The following TJP1 variants were observed in gnomAD, a reference collection of about 807,000 sequenced individuals.
TJP1 encodes tight junction protein 1.
Under a neutral mutation model 194.2 loss-of-function variants are expected in TJP1, and 43 were observed. The observed-to-expected ratio is 0.22, with a 90% CI of 0.17 to 0.29. The LOEUF is 0.29. TJP1 is among the 10% of genes least tolerant of loss of function. TJP1 has a pLI of 1.00. For synonymous variants in TJP1, 801 were observed against 779.0 expected (o/e 1.03, Z -0.47); for missense variants, 1,971 against 2,185.7 (o/e 0.90, Z 1.96).
At chr15:29,746,106 C>G (rs755276549) in intron 8 of TJP1, among the ~76,000 whole-genome samples, 1 of 152,184 alleles carries the variant, frequency 6.6e-6, no homozygotes, top group African/African-American at 2.4e-5. Flanking sequence ...CGGCTGGGCG[C>G]AGTGGCTCAC....
chr15:29,813,545 A>T (rs2049683272), intron 1 of TJP1, among the ~76,000 whole-genome samples: 1 of 152,238 alleles, frequency 6.6e-6, no homozygotes, highest in South Asian at 2.1e-4. Context: ...GAGCAAAAGA[A>T]GCCATATACA....
chr15:29,968,393 G>A (rs1393004683), intron 1 of TJP1: 3 of 985,298 alleles, frequency 3.0e-6, no homozygotes, highest in Non-Finnish European at 3.6e-6. Context: ...GGTGCCAGGC[G>A]TCCCGGCCGC....
At chr15:29,754,777 T>C (rs1036329334) in intron 8 of TJP1, among the ~76,000 whole-genome samples, 1 of 152,214 alleles carries the variant, frequency 6.6e-6, no homozygotes, top group African/African-American at 2.4e-5. Context: ...TGCATTTCCC[T>C]TGAGCGTCAT....
intron 18 of TJP1, among the ~76,000 whole-genome samples, chr15:29,722,330 A>G (rs2042979592): frequency 6.6e-6 from 1 of 152,208 alleles, no homozygotes; most frequent in Non-Finnish European, 1.5e-5. Flanking sequence ...GCCTCAGGAC[A>G]TGGTGCCCTG....
At chr15:29,833,140 A>G (rs965525091) in intron 2 of TJP1, among the ~76,000 whole-genome samples, 5 of 152,242 alleles carry the variant, frequency 3.3e-5, no homozygotes, top group African/African-American at 1.2e-4. Context: ...ACAAAAAAAA[A>G]GTTCTATATA....
At chr15:29,787,713 C>T (rs1400029217) in intron 2 of TJP1, among the ~76,000 whole-genome samples, 1 of 152,164 alleles carries the variant, frequency 6.6e-6, no homozygotes, top group African/African-American at 2.4e-5. Flanking sequence ...ATATTCCATT[C>T]TATGTATATA....
At chr15:29,965,846 G>A (rs1414138769) in intron 1 of TJP1, among the ~76,000 whole-genome samples, 2 of 152,158 alleles carry the variant, frequency 1.3e-5, no homozygotes, top group African/African-American at 4.8e-5. Flanking sequence ...CCTTCCCTTT[G>A]CCGCTGTAGA....
chr15:29,715,362 T>C (rs893403348), intron 23 of TJP1, among the ~76,000 whole-genome samples: 3 of 152,214 alleles, frequency 2.0e-5, no homozygotes, highest in Non-Finnish European at 4.4e-5. Flanking sequence ...TCTCATAAAC[T>C]GCTTTCTTCT....
chr15:29,946,672 G>GC (rs1477641192), intron 2 of TJP1, among the ~76,000 whole-genome samples: 1 of 152,176 alleles, frequency 6.6e-6, no homozygotes, highest in Non-Finnish European at 1.5e-5. Context: ...CATTTTCAGT[G>GC]CCCCTTTCAT....
chr15:29,788,523 T>C (rs2047854473), intron 2 of TJP1, among the ~76,000 whole-genome samples: 1 of 152,222 alleles, frequency 6.6e-6, no homozygotes, highest in Non-Finnish European at 1.5e-5. Flanking sequence ...TTATTTTGCA[T>C]GTGGTTAACC....
intron 2 of TJP1, among the ~76,000 whole-genome samples, chr15:29,832,320 A>AT (rs1341073299): frequency 6.6e-6 from 1 of 152,170 alleles, no homozygotes; most frequent in Non-Finnish European, 1.5e-5. Context: ...ACCTGTAGAC[A>AT]TATGAGTGAG....
In TJP1 at chr15:29,761,731, A is replaced by C; in HGVS notation, c.732T>G (p.Asp244Glu). Reference sequence around the variant, plus strand: ...TAGACCTTTCTATCAATGTCTTTGCATCTGTCAATGACATATTTTCTGTCA... The same window carrying C: ...TAGACCTTTCTATCAATGTCTTTGCCTCTGTCAATGACATATTTTCTGTCA... ...GTVTENMSLT[D>E]AKTLIERSKG... The change falls in exon 7 of 28, where the codon GAT (aspartate) becomes GAG (glutamate). Residue 244 changes from aspartate to glutamate, a missense_variant. Physicochemically the swap from Asp to Glu is conservative, Grantham distance 45. Around this residue, in one of 5 missense-constraint regions of TJP1, gnomAD observed 245 missense variants for 336.6 expected, o/e 0.73. Transcript: ENST00000614355. The C allele has an allele frequency of 6.3e-7, 1 of 1,593,692 alleles. No homozygotes were observed. The highest frequency in any genetic ancestry group is 8.6e-7 in the Non-Finnish European group (1 of 1,164,390).
rs1002896355 is a variant in TJP1, at chr15:29,722,553, C to T, written c.2413-1845G>A. On this transcript the variant is annotated intron_variant, in intron 18 of 27. Coordinates refer to ENST00000614355, the MANE Select transcript of TJP1 (RefSeq NM_001330239.4). ...TGGATGTCCAGGCAGAAGTCTGCTG[C>T]AGGAGCGGAGCCCTCATGGAGCACC... 3.7e-4 allele frequency among the ~76,000 whole-genome samples: 57 copies of T among 152,198 alleles called. 1 individual carries two copies. Among genetic ancestry groups the T allele is most frequent in the Non-Finnish European group, 2.9e-5 (2 of 68,032 alleles).
In TJP1 at chr15:29,718,756, A is replaced by C. The variant is rs2042740955; in HGVS notation, c.3386T>G (p.Phe1129Cys). ...AGGGGCTGGCTCTTCAAAACGTGGA[A>C]AGTACCCTCGTTCTGAGGACTCTTC... ...HPEESSERGY[F>C]PRFEEPAPLS... The change falls in exon 21 of 28, where the codon TTT (phenylalanine) becomes TGT (cysteine). Residue 1129 changes from phenylalanine to cysteine, a missense_variant. Physicochemically the swap from Phe to Cys is radical, Grantham distance 205. This residue lies in a region of TJP1 where 1,108 missense variants were observed against 1,128.5 expected (regional missense o/e 0.98). Transcript: ENST00000614355. 8 of 1,614,042 alleles carry C rather than the reference A, an allele frequency of 5.0e-6. No individual in the cohort carries two copies. The highest frequency in any genetic ancestry group is 6.8e-6 in the Non-Finnish European group (8 of 1,180,002).
intron 2 of TJP1, among the ~76,000 whole-genome samples, chr15:29,827,872 A>G (rs1204598451): frequency 2.0e-5 from 3 of 152,142 alleles, no homozygotes; most frequent in African/African-American, 7.2e-5. Flanking sequence ...TCAGTTTGTG[A>G]CAAGCTTCTC....
intron 2 of TJP1, among the ~76,000 whole-genome samples, chr15:29,919,420 T>A (rs2054286816): frequency 1.3e-5 from 2 of 152,294 alleles, no homozygotes; most frequent in South Asian, 4.1e-4. Flanking sequence ...CTATTATGTA[T>A]CAGGCACTCT....
rs1284078676 is a variant in TJP1, at chr15:29,822,324, C to G, written c.-296G>C. On this transcript the variant is annotated 5_prime_UTR_variant, in exon 1 of 28. Transcript: ENST00000614355. ...TCGCAGCCCGGCCACGTCGGCCTCGCCCGGTCGCCCGCCCGTCAGCAGCAC... is the reference window on the plus strand; with the variant it reads ...TCGCAGCCCGGCCACGTCGGCCTCGGCCGGTCGCCCGCCCGTCAGCAGCAC... 9.2e-6 allele frequency: 10 copies of G among 1,083,882 alleles called. No homozygotes were observed. Among genetic ancestry groups the G allele is most frequent in the Admixed American group, 5.3e-5 (1 of 18,964 alleles). The allele number at this position is 1,083,882 out of a possible 1,614,324, so 67.1% of individuals were successfully genotyped here.
chr15:29,721,952 G>C (rs934283440), intron 18 of TJP1, among the ~76,000 whole-genome samples: 7 of 152,202 alleles, frequency 4.6e-5, no homozygotes, highest in African/African-American at 1.7e-4. Context: ...AGAAATTTCT[G>C]AATAGCAAAG....
chr15:29,928,775 C>G (rs1050647438), intron 2 of TJP1, among the ~76,000 whole-genome samples: 2 of 152,098 alleles, frequency 1.3e-5, no homozygotes, highest in African/African-American at 2.4e-5. Flanking sequence ...AACCCCGTCT[C>G]TACTAAAAAT....
Sources: gnomAD v4.1 joint callset for allele counts (sites outside exome capture counted in the v4.1 genomes callset) on GRCh38, gnomAD v4.1.1 for gene constraint, gnomAD v4.1.1 regional missense constraint, MANE v1.5 for transcripts, NCBI Gene and HGNC (gene_info 2026-07-23, HGNC 2026-07-21) for gene names.